The following PID1 variants were observed in gnomAD, a reference collection of about 807,000 sequenced individuals.
PID1 encodes the protein PTB-containing, cubilin and LRP1-interacting protein.
PID1 carries 10 observed loss-of-function variants against 19.1 expected under a neutral mutation model. That is an observed-to-expected ratio of 0.52 (90% CI 0.32 to 0.89). The LOEUF (loss-of-function observed/expected upper bound fraction) is 0.89. Ranked by LOEUF, PID1 falls within the 40% of genes least tolerant of loss-of-function variation. The probability of loss-of-function intolerance (pLI) is 0.03; values close to 1 mark genes in which losing one functional copy is unlikely to be tolerated. For missense variants in PID1, 248 were observed against 285.3 expected, an observed-to-expected ratio of 0.87 and a Z score of 0.94; for synonymous variants, 130 against 116.0, an observed-to-expected ratio of 1.12 and a Z score of -0.78.
At chr2:229,157,465 G>C (rs1227765038) in intron 1 of PID1, among the ~76,000 whole-genome samples, 1 of 150,324 alleles carries the variant, frequency 6.7e-6, no homozygotes, top group Non-Finnish European at 1.5e-5. Flanking sequence ...ATGTTATTTT[G>C]AACTTGTATT....
At chr2:229,048,453 T>C (rs1390294817) in intron 2 of PID1, among the ~76,000 whole-genome samples, 1 of 152,190 alleles carries the variant, frequency 6.6e-6, no homozygotes, top group South Asian at 2.1e-4. Flanking sequence ...GCATTTATTT[T>C]TGCTCTCACA....
At chr2:229,157,228 G>A (rs758258790) in intron 1 of PID1, among the ~76,000 whole-genome samples, 3 of 152,158 alleles carry the variant, frequency 2.0e-5, no homozygotes, top group Admixed American at 6.5e-5. Flanking sequence ...TCACAAGTTC[G>A]AGACCAGCCT....
Position 229,033,476 on chromosome 2 carries a change from A to T in PID1, c.178-7368T>A, listed in dbSNP as rs76081189. ...GCTCTCATTCATAAGTGGGAGTTGA[A>T]CAATGAGAACACATGGACACCAGGA... On this transcript the variant is annotated intron_variant, in intron 2 of 2. Transcript: ENST00000392055. Among the ~76,000 whole-genome samples, 271 of 152,252 alleles carry T rather than the reference A, an allele frequency of 1.8e-3. 2 individuals carry two copies. Among genetic ancestry groups the T allele is most frequent in the African/African-American group, 6.4e-3 (265 of 41,548 alleles).
chr2:229,251,944 TAA>T (rs11284650), intron 1 of PID1, among the ~76,000 whole-genome samples: 1,320 of 71,530 alleles, frequency 0.018, 14 homozygotes, highest in African/African-American at 0.054. Context: ...AACCATAAGC[TAA>T]AAAAAAAAAA....
intron 1 of PID1, among the ~76,000 whole-genome samples, chr2:229,165,868 A>G (rs1337135602): frequency 7.4e-5 from 9 of 121,092 alleles, no homozygotes; most frequent in Non-Finnish European, 1.6e-4. Context: ...CAATTCTTTT[A>G]GATAACCTAA....
At chr2:229,048,173 A>AT (rs572954419) in intron 2 of PID1, among the ~76,000 whole-genome samples, 2 of 152,048 alleles carry the variant, frequency 1.3e-5, no homozygotes, top group Non-Finnish European at 2.9e-5. Context: ...GGATCTAGTG[A>AT]TTTTCCCCTC....
chr2:229,100,202 C>T (rs969358216), intron 2 of PID1, among the ~76,000 whole-genome samples: 2 of 152,160 alleles, frequency 1.3e-5, no homozygotes, highest in African/African-American at 4.8e-5. Flanking sequence ...TTAAGCCGCT[C>T]CATCTATGGA....
At chr2:229,134,023 T>C (rs1280968665) in intron 2 of PID1, among the ~76,000 whole-genome samples, 3 of 151,916 alleles carry the variant, frequency 2.0e-5, no homozygotes, top group Non-Finnish European at 4.4e-5. Flanking sequence ...CTCTGTCCAC[T>C]AGAAGCTAGT....
chr2:229,126,919 G>A (rs1051437632), intron 2 of PID1, among the ~76,000 whole-genome samples: 1 of 152,172 alleles, frequency 6.6e-6, no homozygotes, highest in Non-Finnish European at 1.5e-5. Context: ...CTAATAAGGC[G>A]AAGCTTTCTG....
At chr2:229,140,729 T>C (rs985980894) in intron 2 of PID1, among the ~76,000 whole-genome samples, 2 of 152,192 alleles carry the variant, frequency 1.3e-5, no homozygotes, top group Non-Finnish European at 2.9e-5. Context: ...CATACAATAT[T>C]GTTTATTCCT....
At chr2:229,223,124 TTA>T (rs1384875093) in intron 1 of PID1, among the ~76,000 whole-genome samples, 3 of 152,172 alleles carry the variant, frequency 2.0e-5, no homozygotes, top group African/African-American at 7.2e-5. Context: ...TGTAGAAATT[TTA>T]TGATTCCTTA....
chr2:229,138,978 T>C (rs1435577126), intron 2 of PID1, among the ~76,000 whole-genome samples: 1 of 65,718 alleles, frequency 1.5e-5, no homozygotes, highest in Non-Finnish European at 3.2e-5. Flanking sequence ...TAGAAAAAAA[T>C]AGAAGAAAGA....
chr2:229,029,970 T>A (rs1398628658), intron 2 of PID1, among the ~76,000 whole-genome samples: 1 of 152,210 alleles, frequency 6.6e-6, no homozygotes, highest in East Asian at 1.9e-4. Context: ...GCAGCACTAT[T>A]TACAATAGCT....
chr2:229,143,517 T>C (rs1437066227), intron 2 of PID1, among the ~76,000 whole-genome samples: 1 of 152,084 alleles, frequency 6.6e-6, no homozygotes, highest in Non-Finnish European at 1.5e-5. Context: ...AACCATTAAC[T>C]GGATGAAGTG....
At chr2:229,188,725 G>A (rs1428405600) in intron 1 of PID1, among the ~76,000 whole-genome samples, 2 of 109,062 alleles carry the variant, frequency 1.8e-5, no homozygotes, top group Admixed American at 2.1e-4. Flanking sequence ...GGCAACAAGA[G>A]CGAAACTCCA....
chr2:229,254,121 T>A (rs561050293), intron 1 of PID1, among the ~76,000 whole-genome samples: 34 of 152,004 alleles, frequency 2.2e-4, no homozygotes, highest in African/African-American at 7.5e-4. Flanking sequence ...TCACACATAG[T>A]CCCCGTGGCT....
chr2:229,187,473 CAA>C (rs780519739), intron 1 of PID1, among the ~76,000 whole-genome samples: 29 of 152,122 alleles, frequency 1.9e-4, no homozygotes, highest in Non-Finnish European at 4.0e-4. Context: ...CGGCGGCAGG[CAA>C]AGAGAGCTTG....
rs550692669 is a variant in PID1, at chr2:229,139,859, T to C, written c.177+15959A>G. ...GAAGAAAGATAAATACCAGTTCTGCTCCTACACCTGTTTGCTAAGAATATC... is the reference window on the plus strand; with the variant it reads ...GAAGAAAGATAAATACCAGTTCTGCCCCTACACCTGTTTGCTAAGAATATC... On this transcript the variant is annotated intron_variant, in intron 2 of 2. Transcript: ENST00000392055. 1.4e-3 allele frequency among the ~76,000 whole-genome samples: 209 copies of C among 152,278 alleles called. 1 individual carries two copies. The highest frequency in any genetic ancestry group is 0.013 in the South Asian group (65 of 4,826).
chr2:229,130,922 G>A (rs1017366036), intron 2 of PID1, among the ~76,000 whole-genome samples: 1 of 152,148 alleles, frequency 6.6e-6, no homozygotes, highest in Admixed American at 6.5e-5. Flanking sequence ...GCAGTTACTG[G>A]CCTGTAGCTG....
Sources: gnomAD v4.1 joint callset for allele counts (sites outside exome capture counted in the v4.1 genomes callset) on GRCh38, gnomAD v4.1.1 for gene constraint, MANE v1.5 for transcripts, NCBI Gene and HGNC (gene_info 2026-07-23, HGNC 2026-07-21) for gene names.